Variants in ZBTB44 observed in about 807,000 individuals in gnomAD.
The protein encoded by ZBTB44 is zinc finger and BTB domain containing 44, also known as zinc finger and BTB domain-containing protein 44.
A neutral mutation model predicts 54.0 loss-of-function variants in ZBTB44; 15 were observed. That is an observed-to-expected ratio of 0.28 (90% confidence interval 0.19 to 0.43). The LOEUF (loss-of-function observed/expected upper bound fraction) is 0.43. Ranked by LOEUF, ZBTB44 falls within the 20% of genes least tolerant of loss-of-function variation. The pLI is 1.00. For missense variants in ZBTB44, 487 were observed against 707.1 expected (o/e 0.69, Z 3.53); for synonymous variants, 230 against 250.1 (o/e 0.92, Z 0.76).
chr11:130,261,019 T>G lies in ZBTB44; in HGVS notation c.855A>C (p.Glu285Asp), dbSNP rs199858975. ...TKTTLPLGTEEDVRVKVERLS... is the reference protein window; with the variant it reads ...TKTTLPLGTEDDVRVKVERLS... ...ATCTTTCTACTTTGACCCGGACATC[T>G]TCTTCGGTACCTAAAGGCAAGGTAG... Residue 285 changes from glutamate to aspartate, a missense_variant, in exon 2 of 8, where the codon GAA (glutamate) becomes GAC (aspartate). This residue lies in a region of ZBTB44 where 277 missense variants were observed against 306.5 expected (regional missense o/e 0.90). Coordinates refer to ENST00000357899, the MANE Select transcript of ZBTB44 (RefSeq NM_001301098.2). The surrounding 1 kb of genome is among the most constrained non-coding windows in gnomAD (Gnocchi z 4.8). 6.2e-7 allele frequency: 1 copy of G among 1,613,902 alleles called. No homozygotes were observed. The highest frequency in any genetic ancestry group is 1.1e-5 in the South Asian group (1 of 91,090).
chr11:130,313,887 T>G (rs1942761556), intron 1 of ZBTB44, among the ~76,000 whole-genome samples: 1 of 151,662 alleles, frequency 6.6e-6, no homozygotes, highest in Admixed American at 6.6e-5. Flanking sequence ...AGAGTGATCC[T>G]CAGGAAGGAA....
At chr11:130,291,249 G>A (rs1186427888) in intron 1 of ZBTB44, among the ~76,000 whole-genome samples, 4 of 151,742 alleles carry the variant, frequency 2.6e-5, no homozygotes, top group Non-Finnish European at 2.9e-5. Flanking sequence ...AGCAATTCTC[G>A]TGCCTCAGCT....
intron 2 of ZBTB44, among the ~76,000 whole-genome samples, chr11:130,243,352 T>G (rs912710443): frequency 2.0e-5 from 3 of 152,252 alleles, no homozygotes; most frequent in African/African-American, 7.2e-5. Context: ...GAGGTCAGGA[T>G]ACATAATGCC....
intron 1 of ZBTB44, among the ~76,000 whole-genome samples, chr11:130,273,638 G>C (rs558718116): frequency 1.0e-3 from 156 of 152,234 alleles, no homozygotes; most frequent in African/African-American, 3.6e-3. Context: ...ATGCTTCACT[G>C]CAAGTGTATA....
rs757418347 is a variant in ZBTB44 at position 130,244,683 on chromosome 11, AAAAG to A, written c.1019-4791_1019-4788del. On this transcript the variant is annotated intron_variant, in intron 2 of 7. Coordinates refer to ENST00000357899, the MANE Select transcript of ZBTB44 (RefSeq NM_001301098.2). Reference sequence around the variant, plus strand: ...CTCTGTCTGGAAAAAAAAAAAAAAAAAAAGAAAGAAAATGTACTAACTGTAACAG... The same window carrying A: ...CTCTGTCTGGAAAAAAAAAAAAAAAAAAAGAAAATGTACTAACTGTAACAG... Among the ~76,000 whole-genome samples the A allele has an allele frequency of 3.1e-3, 246 of 79,170 alleles. 9 individuals are homozygous for A. Among genetic ancestry groups the A allele is most frequent in the Middle Eastern group, 0.029 (3 of 102 alleles). 51.9% of individuals were successfully genotyped at this position (79,170 alleles called of 152,430 possible).
intron 1 of ZBTB44, among the ~76,000 whole-genome samples, chr11:130,274,238 T>C (rs537502149): frequency 6.6e-6 from 1 of 152,306 alleles, no homozygotes; most frequent in Admixed American, 6.5e-5. Context: ...TCAAAACACT[T>C]TGCACTTTGG....
chr11:130,235,835 C>G (rs1197388355), intron 5 of ZBTB44, among the ~76,000 whole-genome samples: 1 of 151,988 alleles, frequency 6.6e-6, no homozygotes, highest in African/African-American at 2.4e-5. Context: ...AACCCCATCT[C>G]TACTAAAAAT....
chr11:130,275,242 G>A (rs78202037), intron 1 of ZBTB44, among the ~76,000 whole-genome samples: 9,515 of 152,118 alleles, frequency 0.063, 743 homozygotes, highest in African/African-American at 0.18. Context: ...ATAAGCATCT[G>A]TAACTATAAA....
At chr11:130,277,792 T>A (rs1229196497) in intron 1 of ZBTB44, among the ~76,000 whole-genome samples, 2 of 152,174 alleles carry the variant, frequency 1.3e-5, no homozygotes, top group Admixed American at 1.3e-4. Flanking sequence ...CCTTGTAAAG[T>A]GGGTCAGCTA....
At chr11:130,295,957 A>C (rs759517883) in intron 1 of ZBTB44, 28 of 1,533,670 alleles carry the variant, frequency 1.8e-5, no homozygotes, top group Non-Finnish European at 2.3e-5. Flanking sequence ...TGGGATCAAC[A>C]TCACTGTGGC....
In ZBTB44 at chr11:130,231,091, A is replaced by C. The variant is rs915643172; in HGVS notation, c.*673T>G. ...ATGTTTAGTTACACTGGTAATTTCT[A>C]ATGAATGGGATAATATAACTGGCTA... is the stretch of plus-strand genomic sequence containing the variant. On this transcript the variant is annotated 3_prime_UTR_variant, in exon 8 of 8. Transcript: ENST00000357899. 4 of 152,158 alleles carry C rather than the reference A, an allele frequency of 2.6e-5. No homozygotes were observed. Among genetic ancestry groups the C allele is most frequent in the Non-Finnish European group, 4.4e-5 (3 of 67,976 alleles). 9.4% of individuals were successfully genotyped at this position (152,158 alleles called of 1,614,324 possible).
chr11:130,275,901 C>T (rs1940029164), intron 1 of ZBTB44, among the ~76,000 whole-genome samples: 2 of 149,390 alleles, frequency 1.3e-5, no homozygotes, highest in Admixed American at 1.3e-4. Context: ...GCTGGGATTA[C>T]AGGCATGAGC....
Position 130,312,372 on chromosome 11 carries a change from T to C in ZBTB44, c.-57+2003A>G, listed in dbSNP as rs147698300. ...TGGTTACATTTAGCATCATTAATAGTGTGGGAATCTGACATTGTGTGCCTC... is the reference window on the plus strand; with the variant it reads ...TGGTTACATTTAGCATCATTAATAGCGTGGGAATCTGACATTGTGTGCCTC... On this transcript the variant is annotated intron_variant, in intron 1 of 7. Coordinates refer to ENST00000357899, the MANE Select transcript of ZBTB44 (RefSeq NM_001301098.2). Among the ~76,000 whole-genome samples, 12 of 152,290 alleles carry C rather than the reference T, an allele frequency of 7.9e-5. No homozygotes were observed. In the East Asian group the frequency reaches 1.4e-3, roughly 17 times the overall value.
intron 1 of ZBTB44, among the ~76,000 whole-genome samples, chr11:130,313,966 A>ATTTTTTTTT (rs1555059256): frequency 1.7e-5 from 2 of 116,234 alleles, no homozygotes; most frequent in African/African-American, 5.7e-5. Flanking sequence ...ATATATATAT[A>ATTTTTTTTT]TTTTTTTAAA....
rs1953798281 is a variant in ZBTB44, at chr11:130,229,504, TA to T, written c.*2259del. 6.6e-6 allele frequency: 1 copy of T among 152,106 alleles called. No homozygotes were observed. Among genetic ancestry groups the T allele is most frequent in the Non-Finnish European group, 1.5e-5 (1 of 67,988 alleles). 9.4% of individuals were successfully genotyped at this position (152,106 alleles called of 1,614,324 possible). On this transcript the variant is annotated 3_prime_UTR_variant, in exon 8 of 8. Transcript: ENST00000357899. ...TTCATCTTGCTGAGGACTTTCCAAA[TA>T]AAAATACTCTGTCACCATACTGTCA...
chr11:130,264,461 A>G (rs939708759), intron 1 of ZBTB44, among the ~76,000 whole-genome samples: 10 of 152,190 alleles, frequency 6.6e-5, no homozygotes, highest in Non-Finnish European at 1.0e-4. Flanking sequence ...TTAGTTCTTG[A>G]AAAGATTGCT....
chr11:130,296,242 A>G (rs2134407607), intron 1 of ZBTB44: 3 of 1,337,888 alleles, frequency 2.2e-6, no homozygotes, highest in Non-Finnish European at 3.1e-6. Flanking sequence ...ACAACAGTGG[A>G]TGGTCTTGAG....
intron 1 of ZBTB44, chr11:130,310,062 T>C (rs1030229157): frequency 6.6e-6 from 1 of 152,042 alleles, no homozygotes; most frequent in Non-Finnish European, 1.5e-5. Context: ...ACATGTGTAA[T>C]CTTAGCACTT....
At chr11:130,234,092 T>C (rs759472781) in intron 6 of ZBTB44, 64 bp downstream of exon 6, 162 of 1,536,928 alleles carry the variant, frequency 1.1e-4, no homozygotes, top group Non-Finnish European at 1.3e-4. Context: ...TCTTCCTCTT[T>C]TTCTGCCAGC....
Sources: allele counts gnomAD v4.1 joint callset (sites outside exome capture counted in the v4.1 genomes callset), GRCh38; gene constraint gnomAD v4.1.1; regional missense constraint gnomAD v4.1.1; non-coding constraint Gnocchi (gnomAD v3.1); transcripts MANE v1.5; gene names NCBI Gene and HGNC (gene_info 2026-07-23, HGNC 2026-07-21).